Variants in USP20 observed in about 807,000 individuals in gnomAD.
USP20 encodes ubiquitin specific peptidase 20.
Under a neutral mutation model 124.2 loss-of-function variants are expected in USP20, and 80 were observed. That is an observed-to-expected ratio of 0.64 (90% CI 0.54 to 0.78). The LOEUF is 0.78. USP20 is among the 30% of genes least tolerant of loss of function. The pLI is 0.00. For missense variants in USP20, 1,043 were observed against 1,244.4 expected (o/e 0.84, Z 2.44); for synonymous variants, 481 against 512.3 (o/e 0.94, Z 0.83).
In USP20 at chr9:129,879,623, G is replaced by A. The variant is rs200021332; in HGVS notation, c.2563G>A (p.Gly855Ser). The change falls in exon 24 of 26, where the codon GGC becomes AGC. Residue 855 changes from glycine (G) to serine (S), a missense_variant. Physicochemically the swap from Gly to Ser is moderately conservative, Grantham distance 56 (BLOSUM62 0). Coordinates refer to ENST00000372429, the MANE Select transcript of USP20 (RefSeq NM_001110303.4). The surrounding 1 kb of genome is among the most constrained non-coding windows in gnomAD (Gnocchi z 4.2). ...NSRIAQVKGS[G>S]HVQLKQGADY... The stretch of plus-strand genomic sequence containing the variant: ...CAGGATTGCACAGGTCAAAGGAAGC[G>A]GCCATGTCCAGCTGAAGCAGGGTGA... 3.5e-5 allele frequency: 57 copies of A among 1,613,758 alleles called. No homozygotes were observed. Among genetic ancestry groups the A allele is most frequent in the African/African-American group, 9.3e-5 (7 of 74,922 alleles).
In USP20 at chr9:129,869,301, TGTCCCCAGCCCAGGTA is replaced by T. The variant is rs1428998517; in HGVS notation, c.1277-8_1284del. On this transcript the variant is annotated splice_acceptor_variant and splice_polypyrimidine_tract_variant and coding_sequence_variant and intron_variant, in exon 13 of 26. Coordinates refer to ENST00000372429, the MANE Select transcript of USP20 (RefSeq NM_001110303.4). LOFTEE classifies it high-confidence loss of function. ...TGGAGGCTGGGCTAGTCCTGTGCTG[TGTCCCCAGCCCAGGTA>T]TTGAGTGCTGGCAGCCGGAGGCGGA... 1 of 1,610,860 alleles carries T rather than the reference TGTCCCCAGCCCAGGTA, an allele frequency of 6.2e-7. No individual in the cohort carries two copies. The highest frequency in any genetic ancestry group is 8.5e-7 in the Non-Finnish European group (1 of 1,177,652).
chr9:129,856,804 T>G (rs1198310319), intron 4 of USP20, among the ~76,000 whole-genome samples: 1 of 152,030 alleles, frequency 6.6e-6, no homozygotes, highest in Non-Finnish European at 1.5e-5. Flanking sequence ...CCCCGCCTCA[T>G]GGGGTTAGGG....
chr9:129,845,689 A>G (rs964263426), intron 1 of USP20, among the ~76,000 whole-genome samples: 3 of 151,948 alleles, frequency 2.0e-5, no homozygotes, highest in African/African-American at 7.3e-5. Flanking sequence ...ACTGTGACTG[A>G]CCTTATTAGA....
chr9:129,874,554 G>T (rs756643728), intron 17 of USP20, 22 bp from the exon 18 acceptor site: 1 of 1,610,268 alleles, frequency 6.2e-7, no homozygotes, highest in Non-Finnish European at 8.5e-7. Flanking sequence ...CTAGATGACC[G>T]GCGCTCTCTC....
chr9:129,878,256 G>A (rs1324384449), intron 22 of USP20, 82 bp from the exon 23 acceptor site: 7 of 1,105,630 alleles, frequency 6.3e-6, no homozygotes, highest in African/African-American at 6.2e-5. Flanking sequence ...GGACTGGGGC[G>A]GGGGCATTTG....
At chr9:129,859,927 G>C (rs910237363) in intron 6 of USP20, among the ~76,000 whole-genome samples, 1 of 152,154 alleles carries the variant, frequency 6.6e-6, no homozygotes, top group Non-Finnish European at 1.5e-5. Flanking sequence ...AGCTACTTGG[G>C]AGGCTGAGGT....
chr9:129,863,882 T>G (rs1047129581), intron 9 of USP20, among the ~76,000 whole-genome samples: 2 of 150,118 alleles, frequency 1.3e-5, no homozygotes, highest in African/African-American at 2.5e-5. Flanking sequence ...CTGAGGCAGG[T>G]GGATCACGAG....
At chr9:129,861,211 A>C (rs1564207710) in intron 7 of USP20, among the ~76,000 whole-genome samples, 178 bp downstream of exon 7, 2 of 152,288 alleles carry the variant, frequency 1.3e-5, no homozygotes, top group East Asian at 3.9e-4. Flanking sequence ...TGGCCTAGCT[A>C]AGGTTCTGGA....
At chr9:129,856,284 T>G in intron 3 of USP20, 23 bp from the exon 4 acceptor site, 1 of 1,613,474 alleles carries the variant, frequency 6.2e-7, no homozygotes, top group Non-Finnish European at 8.5e-7. Context: ...CCTGCTCTTT[T>G]TCTCTCCTCT....
intron 8 of USP20, among the ~76,000 whole-genome samples, chr9:129,862,451 G>A (rs1256843000): frequency 6.6e-6 from 1 of 151,920 alleles, no homozygotes; most frequent in African/African-American, 2.4e-5. Context: ...TACTGGGGAG[G>A]CTGAGGCAGG....
intron 1 of USP20, among the ~76,000 whole-genome samples, chr9:129,842,838 C>T (rs547907442): frequency 6.6e-6 from 1 of 152,094 alleles, no homozygotes; most frequent in South Asian, 2.1e-4. Flanking sequence ...TGTGATCCAC[C>T]CTCCTTAGCC....
In USP20 at chr9:129,861,054, G is replaced by A. The variant is rs1259043481; in HGVS notation, c.427+21G>A. Reference sequence around the variant, plus strand: ...TCGAGGTAATGGCCCCCACAGCAGGGGAAGCTGATGGGCTGGGCTGGGGGC... The same window carrying A: ...TCGAGGTAATGGCCCCCACAGCAGGAGAAGCTGATGGGCTGGGCTGGGGGC... On this transcript the variant is annotated intron_variant, in intron 7 of 25. Transcript: ENST00000372429. The A allele has an allele frequency of 3.7e-6, 6 of 1,609,294 alleles. No individual in the cohort carries two copies. In the Admixed American group the frequency reaches 6.7e-5, roughly 18 times the overall value.
chr9:129,878,537 G>A lies in USP20; in HGVS notation c.2512+97G>A, dbSNP rs1365150544. The A allele has an allele frequency of 3.6e-5, 40 of 1,126,498 alleles. No homozygotes were observed. The East Asian group carries it at 1.0e-3, about 29-fold the overall frequency. The allele number at this position is 1,126,498 out of a possible 1,614,324, so 69.8% of individuals were successfully genotyped here. A position where few individuals can be genotyped will look rare whatever the true frequency, so the allele number is the denominator to read the frequency against. ...GGCTGGCACACAGGGGCTCCTGCAG[G>A]CCCCATGCCTGCCCCCAGGTGCCAC... On this transcript the variant is annotated intron_variant, in intron 23 of 25. Coordinates refer to ENST00000372429, the MANE Select transcript of USP20 (RefSeq NM_001110303.4).
In USP20 at chr9:129,835,506, T is replaced by G; in HGVS notation, c.-129+7T>G. 3.1e-6 allele frequency: 1 copy of G among 317,772 alleles called. No homozygotes were observed. Among genetic ancestry groups the G allele is most frequent in the Non-Finnish European group, 5.7e-6 (1 of 174,198 alleles). The allele number at this position is 317,772 out of a possible 1,614,324, so 19.7% of individuals were successfully genotyped here. The stretch of plus-strand genomic sequence containing the variant: ...GGCGCAGTTGCGAGTGCAGGTGAGT[T>G]CCGGGCCGCCACCGGCTGCTTCTGT... On this transcript the variant is annotated splice_region_variant and intron_variant, in intron 1 of 25. Coordinates refer to ENST00000372429, the MANE Select transcript of USP20 (RefSeq NM_001110303.4).
In USP20 at chr9:129,839,094, C is replaced by T. The variant is rs2032044771; in HGVS notation, c.-129+3595C>T. On this transcript the variant is annotated intron_variant, in intron 1 of 25. Transcript: ENST00000372429. The surrounding 1 kb of genome is among the most constrained non-coding windows in gnomAD (Gnocchi z 4.5). ...CCAGGCTGGCCGGGGCTGTTTGTGA[C>T]ATCGTGGAGCTGAGTGTTCAGAGCA... Among the ~76,000 whole-genome samples the T allele has an allele frequency of 6.6e-6, 1 of 152,178 alleles. No homozygotes were observed. The highest frequency in any genetic ancestry group is 6.5e-5 in the Admixed American group (1 of 15,280).
chr9:129,865,396 C>T lies in USP20; in HGVS notation c.690+15C>T, dbSNP rs780982240. 2 of 1,614,068 alleles carry T rather than the reference C, an allele frequency of 1.2e-6. No homozygotes were observed. The highest frequency in any genetic ancestry group is 8.5e-7 in the Non-Finnish European group (1 of 1,179,898). ...ATGCCCAGCAGGTAAGCCATCTGAG[C>T]TGCCCAGGGGACACCCAAGGCCATG... On this transcript the variant is annotated intron_variant, in intron 10 of 25. Transcript: ENST00000372429.
At chr9:129,873,182 C>T (rs942171781) in intron 15 of USP20, among the ~76,000 whole-genome samples, 16 of 147,536 alleles carry the variant, frequency 1.1e-4, no homozygotes, top group Admixed American at 9.0e-4. Context: ...CCCCCAGGTT[C>T]GAGCGATTCT....
chr9:129,863,175 C>T lies in USP20; in HGVS notation c.498-11C>T. On this transcript the variant is annotated splice_polypyrimidine_tract_variant and intron_variant, in intron 8 of 25. Transcript: ENST00000372429. The stretch of plus-strand genomic sequence containing the variant: ...GCTCTCCTGACCTGGCTCTCTCTCC[C>T]CTGCACCCAGCCCGCCGCTGACTCA... 6.6e-7 allele frequency: 1 copy of T among 1,525,862 alleles called. No individual in the cohort carries two copies. The highest frequency in any genetic ancestry group is 8.9e-7 in the Non-Finnish European group (1 of 1,127,396). 94.5% of individuals were successfully genotyped at this position (1,525,862 alleles called of 1,614,324 possible).
At chr9:129,870,188 C>A (rs1004388102) in intron 14 of USP20, 8 of 565,440 alleles carry the variant, frequency 1.4e-5, no homozygotes. Context: ...GCCAGAGACC[C>A]GCATGACCCC....
Sources: gnomAD v4.1 joint callset for allele counts (sites outside exome capture counted in the v4.1 genomes callset) on GRCh38, gnomAD v4.1.1 for gene constraint, Gnocchi (gnomAD v3.1) non-coding constraint, MANE v1.5 for transcripts, NCBI Gene and HGNC (gene_info 2026-07-23, HGNC 2026-07-21) for gene names.